Variants in ABCD2 observed in about 807,000 individuals in gnomAD.
ABCD2 encodes ATP binding cassette subfamily D member 2, also known as ATP-binding cassette sub-family D member 2.
Under a neutral mutation model 70.9 loss-of-function variants are expected in ABCD2, and 36 were observed. That is an observed-to-expected ratio of 0.51 (90% confidence interval 0.39 to 0.67). ABCD2 has a LOEUF of 0.67. Ranked by LOEUF, ABCD2 falls within the 30% of genes least tolerant of loss-of-function variation. ABCD2 has a pLI of 0.00. For missense variants in ABCD2, 729 were observed against 890.2 expected (o/e 0.82, Z 2.30); for synonymous variants, 304 against 306.9 (o/e 0.99, Z 0.10).
chr12:39,618,722 T>C lies in ABCD2; in HGVS notation c.894A>G (p.Arg298=). ...CAATTTCTTCTACATTGGCTATAATTCTCGAGTGCACATACCGCAAATAGC... is the reference window on the plus strand; with the variant it reads ...CAATTTCTTCTACATTGGCTATAATCCTCGAGTGCACATACCGCAAATAGC... ...RKGYLRYVHS[R]IIANVEEIAF... The change falls in exon 1 of 10, where the codon AGA becomes AGG. Residue 298 remains arginine, a synonymous_variant. Coordinates refer to ENST00000308666, the MANE Select transcript of ABCD2 (RefSeq NM_005164.4). The C allele has an allele frequency of 6.2e-7, 1 of 1,614,220 alleles. No individual in the cohort carries two copies.
chr12:39,543,519 G>T, the ABCD2 span, among the ~76,000 whole-genome samples: 2 of 152,122 alleles, frequency 1.3e-5, no homozygotes, highest in Non-Finnish European at 2.9e-5. Flanking sequence ...AATTGTGTAG[G>T]AACACCAGCA....
chr12:39,551,006 T>C lies in ABCD2; in HGVS notation c.*2906A>G, dbSNP rs1941080332. On this transcript the variant is annotated 3_prime_UTR_variant, in exon 10 of 10. Coordinates refer to ENST00000308666, the MANE Select transcript of ABCD2 (RefSeq NM_005164.4). ...TATGCCTTTACTGACAGACCAAAAC[T>C]TGAGACAAAAACCAAATTTCTATCA... 1 of 151,670 alleles carries C rather than the reference T, an allele frequency of 6.6e-6. No homozygotes were observed. Among genetic ancestry groups the C allele is most frequent in the African/African-American group, 2.4e-5 (1 of 41,410 alleles). 9.4% of individuals were successfully genotyped at this position (151,670 alleles called of 1,614,324 possible).
chr12:39,579,310 C>T (rs1242756190), intron 8 of ABCD2, among the ~76,000 whole-genome samples: 1 of 152,172 alleles, frequency 6.6e-6, no homozygotes, highest in African/African-American at 2.4e-5. Flanking sequence ...TGCAGTGAGC[C>T]AAGATCGTGC....
intron 9 of ABCD2, among the ~76,000 whole-genome samples, chr12:39,558,916 A>C (rs1941210030): frequency 6.6e-6 from 1 of 152,218 alleles, no homozygotes; most frequent in Admixed American, 6.5e-5. Context: ...TGAAAAATAC[A>C]ATGAAAAAAA....
intron 9 of ABCD2, among the ~76,000 whole-genome samples, chr12:39,557,576 C>G (rs894639061): frequency 6.6e-6 from 1 of 152,058 alleles, no homozygotes; most frequent in Non-Finnish European, 1.5e-5. Flanking sequence ...GGGAAAATGT[C>G]TCCAAGGCAT....
At chr12:39,595,335 C>G (rs555741277) in intron 6 of ABCD2, among the ~76,000 whole-genome samples, 148 of 152,252 alleles carry the variant, frequency 9.7e-4, no homozygotes, top group Admixed American at 7.2e-3. Flanking sequence ...TAGTCTAACT[C>G]TGGCTTTGAA....
chr12:39,555,119 G>A (rs1941142757), intron 9 of ABCD2, among the ~76,000 whole-genome samples: 1 of 152,030 alleles, frequency 6.6e-6, no homozygotes, highest in Non-Finnish European at 1.5e-5. Context: ...ACAAGCTCAT[G>A]CAACCATCAC....
At position 39,619,168 on chromosome 12, in the gene ABCD2, A is replaced by G; in HGVS notation, c.448T>C (p.Trp150Arg). ...GTAGCAGGGATGGCAATCATAAGCC[A>G]CTTGATTAATTTGATGATGAAAGTC... Reference protein sequence around the residue: ...PRTFIIKLIKWLMIAIPATFV... With the variant: ...PRTFIIKLIKRLMIAIPATFV... The change falls in exon 1 of 10, where the codon TGG becomes CGG. Residue 150 changes from tryptophan (W) to arginine (R), a missense_variant. Around this residue, in one of 3 missense-constraint regions of ABCD2, gnomAD observed 245 missense variants for 261.2 expected, o/e 0.94. Transcript: ENST00000308666. The G allele has an allele frequency of 6.2e-7, 1 of 1,614,208 alleles. No homozygotes were observed. Among genetic ancestry groups the G allele is most frequent in the African/African-American group, 1.3e-5 (1 of 75,044 alleles).
intron 2 of ABCD2, among the ~76,000 whole-genome samples, chr12:39,611,739 CATTAAGAGAGTGAAA>C (rs754932700): frequency 2.2e-4 from 33 of 151,700 alleles, no homozygotes; most frequent in Non-Finnish European, 4.3e-4. Flanking sequence ...TATTAGACAC[CATTAAGAGAGTGAAA>C]AGGCCAGATG....
intron 1 of ABCD2, among the ~76,000 whole-genome samples, chr12:39,617,722 G>A (rs115468831): frequency 0.019 from 2,908 of 152,096 alleles, 32 homozygotes; most frequent in African/African-American, 0.021. Flanking sequence ...TTATTTTTCA[G>A]GTTGCTACTG....
chr12:39,601,582 C>A (rs1049012937), intron 5 of ABCD2, among the ~76,000 whole-genome samples: 8 of 151,840 alleles, frequency 5.3e-5, no homozygotes, highest in African/African-American at 1.9e-4. Flanking sequence ...AACAGAAACA[C>A]CATTTAAAAT....
intron 1 of ABCD2, among the ~76,000 whole-genome samples, chr12:39,618,248 A>G (rs989814169): frequency 6.6e-6 from 1 of 152,190 alleles, no homozygotes; most frequent in Admixed American, 6.5e-5. Flanking sequence ...TTGGACAACA[A>G]AGGAACAACA....
At chr12:39,531,955 G>C in the ABCD2 span, among the ~76,000 whole-genome samples, 1 of 152,236 alleles carries the variant, frequency 6.6e-6, no homozygotes, top group African/African-American at 2.4e-5. Flanking sequence ...GACTGCCACA[G>C]TGTTGAAAGA....
chr12:39,598,678 G>A (rs1042259643), intron 6 of ABCD2, among the ~76,000 whole-genome samples: 1 of 152,106 alleles, frequency 6.6e-6, no homozygotes, highest in Non-Finnish European at 1.5e-5. Flanking sequence ...GGGATTACAG[G>A]CATGAGCCAC....
chr12:39,561,415 T>C (rs1438798889), intron 9 of ABCD2, among the ~76,000 whole-genome samples: 1 of 147,182 alleles, frequency 6.8e-6, no homozygotes, highest in Non-Finnish European at 1.5e-5. Flanking sequence ...AAAAAGACAG[T>C]GTCTGGATTA....
intron 9 of ABCD2, among the ~76,000 whole-genome samples, chr12:39,569,578 T>C (rs1188305319): frequency 6.6e-6 from 1 of 152,144 alleles, no homozygotes; most frequent in Non-Finnish European, 1.5e-5. Context: ...GCATCCTGGG[T>C]GAGGCGATGC....
At chr12:39,545,069 T>C (rs1487144855), downstream of ABCD2, among the ~76,000 whole-genome samples, 1 of 152,216 alleles carries the variant, frequency 6.6e-6, no homozygotes, top group African/African-American at 2.4e-5. Context: ...CTATAGTTTT[T>C]CTTTTGAAGC....
At chr12:39,616,472 AG>A (rs1165486535) in intron 2 of ABCD2, among the ~76,000 whole-genome samples, 1 of 152,112 alleles carries the variant, frequency 6.6e-6, no homozygotes, top group African/African-American at 2.4e-5. Context: ...CAAGCAGAGG[AG>A]CCCTTATTCC....
At position 39,562,787 on chromosome 12, in the gene ABCD2, G is replaced by A. The variant is rs558521653; in HGVS notation, c.2004-8656C>T. 2.0e-5 allele frequency among the ~76,000 whole-genome samples: 3 copies of A among 152,006 alleles called. No homozygotes were observed. The East Asian group carries it at 5.8e-4, about 29-fold the overall frequency. ...ACTATTCCAAAAATTGAAGAGGAAG[G>A]AATACATCCAAACTTATTCTACAAG... On this transcript the variant is annotated intron_variant, in intron 9 of 9. Coordinates refer to ENST00000308666, the MANE Select transcript of ABCD2 (RefSeq NM_005164.4).
Sources: gnomAD v4.1 joint callset for allele counts (sites outside exome capture counted in the v4.1 genomes callset) on GRCh38, gnomAD v4.1.1 for gene constraint, gnomAD v4.1.1 regional missense constraint, MANE v1.5 for transcripts, NCBI Gene and HGNC (gene_info 2026-07-23, HGNC 2026-07-21) for gene names.